Variants in HELB observed in about 807,000 individuals in gnomAD.
HELB encodes the protein DNA 5'-3' helicase B.
Under a neutral mutation model 101.7 loss-of-function variants are expected in HELB, and 96 were observed. That is an observed-to-expected ratio of 0.94 (90% CI 0.80 to 1.12). HELB has a LOEUF of 1.12. Among genes scored for constraint, HELB ranks in the 50% most tolerant of loss-of-function variants. The pLI is 0.00. For missense variants in HELB, 1,210 were observed against 1,291.9 expected (o/e 0.94, Z 0.97); for synonymous variants, 437 against 459.7 (o/e 0.95, Z 0.63).
At chr12:66,342,674 G>A (rs1429557219), downstream of HELB, 1 of 150,822 alleles carries the variant, frequency 6.6e-6, no homozygotes, top group East Asian at 2.0e-4. Flanking sequence ...ACTGTGCCCA[G>A]CCCGATTCAT....
At chr12:66,324,366 A>C in intron 10 of HELB, 155 bp downstream of exon 10, 1 of 619,880 alleles carries the variant, frequency 1.6e-6, no homozygotes, top group Non-Finnish European at 2.8e-6. Context: ...TTTATGAAGG[A>C]TATGGGTAGT....
At chr12:66,327,512 AG>A (rs1339809242) in intron 11 of HELB, among the ~76,000 whole-genome samples, 3 of 152,194 alleles carry the variant, frequency 2.0e-5, no homozygotes, top group Non-Finnish European at 4.4e-5. Flanking sequence ...GAACGAATGA[AG>A]AGTAAAGGTG....
rs199708480 is a variant in HELB, at chr12:66,310,619, T to C, written c.1680+11T>C. The C allele has an allele frequency of 7.1e-4, 1,135 of 1,597,916 alleles. 11 individuals carry two copies. In the South Asian group the frequency reaches 0.012, roughly 16 times the overall value. ...TACACACTGTGTCAGGTAAAACCTT[T>C]GACATTTCATCTGTAGATAAAACAT... On this transcript the variant is annotated intron_variant, in intron 4 of 12. Transcript: ENST00000247815.
chr12:66,302,537 T>G lies in HELB; in HGVS notation c.-67T>G. 3 of 1,468,682 alleles carry G rather than the reference T, an allele frequency of 2.0e-6. No homozygotes were observed. The highest frequency in any genetic ancestry group is 2.8e-6 in the Non-Finnish European group (3 of 1,062,216). The allele number at this position is 1,468,682 out of a possible 1,614,324, so 91.0% of individuals were successfully genotyped here. On this transcript the variant is annotated 5_prime_UTR_variant, in exon 1 of 13. The change creates a new upstream start codon in the 5' untranslated region. Transcript: ENST00000247815. ...ATGGCCTTACAGTCGTAGAACTGAT[T>G]GGCTGATCATGACCATGCAGTTAGC...
intron 4 of HELB, 80 bp from the exon 5 acceptor site, chr12:66,313,906 G>T: frequency 4.0e-5 from 49 of 1,234,456 alleles, no homozygotes; most frequent in Middle Eastern, 4.9e-4. Flanking sequence ...TACGAGTTTT[G>T]CCCCAAAATA....
At chr12:66,340,783 G>A (rs2053912722), downstream of HELB, 2 of 153,262 alleles carry the variant, frequency 1.3e-5, no homozygotes, top group South Asian at 2.0e-4. Context: ...GATGTAGGCT[G>A]GGAGCCTAGG....
intron 3 of HELB, among the ~76,000 whole-genome samples, chr12:66,307,384 C>T (rs900173965): frequency 6.6e-6 from 1 of 151,858 alleles, no homozygotes; most frequent in Non-Finnish European, 1.5e-5. Flanking sequence ...TTTAAAAAAA[C>T]CCTGTAAAAT....
chr12:66,324,218 GA>G lies in HELB; in HGVS notation c.2526+11del, dbSNP rs147392904. 0.031 allele frequency: 47,669 copies of G among 1,536,892 alleles called. 2,997 individuals are homozygous for G. Among genetic ancestry groups the G allele is most frequent in the African/African-American group, 0.24 (17,429 of 73,042 alleles). Reference sequence around the variant, plus strand: ...GATATTTTTCATAACAAATGTAAGTGAAAACAGAAGATAATATCTTTTAACT... The same window carrying G: ...GATATTTTTCATAACAAATGTAAGTGAAACAGAAGATAATATCTTTTAACT... On this transcript the variant is annotated splice_region_variant and intron_variant, in intron 10 of 12. Transcript: ENST00000247815.
At chr12:66,337,347 C>T (rs1001392951) in intron 12 of HELB, among the ~76,000 whole-genome samples, 1 of 152,142 alleles carries the variant, frequency 6.6e-6, no homozygotes, top group African/African-American at 2.4e-5. Flanking sequence ...TTAAACTTGT[C>T]ATCTCTTACA....
rs1301916946 is a variant in HELB at position 66,310,055 on chromosome 12, G to A, written c.1127G>A (p.Trp376Ter). Residue 376 changes from tryptophan (W) to a stop codon, truncating the protein, a stop_gained, in exon 4 of 13, where the codon TGG becomes TAG. Transcript: ENST00000247815. LOFTEE classifies it high-confidence loss of function. ...SICDLMKKPPWHLCVDVEKVL... is the reference protein window; with the variant it reads ...SICDLMKKPP ...TGTGACCTGATGAAGAAACCTCCTT[G>A]GCATTTATGTGTCGATGTCGAAAAG... The A allele has an allele frequency of 5.0e-6, 8 of 1,614,148 alleles. No individual in the cohort carries two copies. The highest frequency in any genetic ancestry group is 6.8e-6 in the Non-Finnish European group (8 of 1,180,026).
At chr12:66,302,873 C>T in intron 1 of HELB, 83 bp downstream of exon 1, 12 of 1,208,290 alleles carry the variant, frequency 9.9e-6, no homozygotes, top group Non-Finnish European at 1.4e-5. Flanking sequence ...GAGCAAGGCA[C>T]CCAGTCGTGC....
At chr12:66,307,160 G>A (rs1313701567) in intron 3 of HELB, among the ~76,000 whole-genome samples, 1 of 152,152 alleles carries the variant, frequency 6.6e-6, no homozygotes. Context: ...GAGAAACTCT[G>A]AGAAAATTCT....
rs370398244 is a variant in HELB, at chr12:66,338,038, A to G, written c.3200A>G (p.Asn1067Ser). The change falls in exon 13 of 13, where the codon AAT becomes AGT. Residue 1067 changes from asparagine to serine, a missense_variant. Around this residue, in one of 2 missense-constraint regions of HELB, gnomAD observed 740 missense variants for 728.8 expected, o/e 1.02. Transcript: ENST00000247815. ...CCACAAGTGTCTTCCAGACTTCAGA[A>G]TTTGAGACTGAATAATTTAATTCCC... ...ESPQVSSRLQ[N>S]LRLNNLIPRQ... 29 of 1,605,360 alleles carry G rather than the reference A, an allele frequency of 1.8e-5. No individual in the cohort carries two copies. In the African/African-American group the frequency reaches 3.9e-4, roughly 21 times the overall value.
In HELB at chr12:66,310,012, GC is replaced by G; in HGVS notation, c.1086del (p.Ile363SerfsTer8). ...FPYDLYHAER[A>X]IAFSICDLMK... is the part of the protein sequence containing the mutation. The stretch of plus-strand genomic sequence containing the variant: ...TTATGACCTTTACCATGCTGAAAGA[GC>G]CATCGCCTTTTCAATTTGTGACCTG... On this transcript the variant is annotated frameshift_variant, in exon 4 of 13. Coordinates refer to ENST00000247815, the MANE Select transcript of HELB (RefSeq NM_001370285.1). LOFTEE classifies it high-confidence loss of function. 6.2e-7 allele frequency: 1 copy of G among 1,614,174 alleles called. No homozygotes were observed. The highest frequency in any genetic ancestry group is 1.1e-5 in the South Asian group (1 of 91,082).
At position 66,315,346 on chromosome 12, in the gene HELB, A is replaced by G; in HGVS notation, c.1963A>G (p.Arg655Gly). ...TGCTATTGAGCTAAAGACAAACCAT[A>G]GAGCAGAATCTCAGCTCATTGTGGA... Reference protein sequence around the residue: ...NCAIELKTNHRAESQLIVDNA... With the variant: ...NCAIELKTNHGAESQLIVDNA... Residue 655 changes from arginine to glycine, a missense_variant, in exon 6 of 13, where the codon AGA becomes GGA. Arg to Gly is a moderately radical substitution (Grantham distance 125, BLOSUM62 -2). Transcript: ENST00000247815. 1 of 1,606,450 alleles carries G rather than the reference A, an allele frequency of 6.2e-7. No individual in the cohort carries two copies. The highest frequency in any genetic ancestry group is 8.5e-7 in the Non-Finnish European group (1 of 1,176,678).
chr12:66,318,704 C>T lies in HELB; in HGVS notation c.2067C>T (p.Pro689=), dbSNP rs542300265. Residue 689 remains proline (P), a synonymous_variant, in exon 7 of 13, where the codon CCC becomes CCT. Transcript: ENST00000247815. ...ELNISDNPTL[P]ISIQDKTFIF... ...ATATCTCTGATAATCCAACATTACC[C>T]ATCTCAATTCAAGATAAGACATTTA... is the stretch of plus-strand genomic sequence containing the variant. 1.9e-6 allele frequency: 3 copies of T among 1,609,880 alleles called. No individual in the cohort carries two copies. Among genetic ancestry groups the T allele is most frequent in the Non-Finnish European group, 2.5e-6 (3 of 1,178,712 alleles).
chr12:66,316,935 C>T (rs2053613144), intron 6 of HELB, among the ~76,000 whole-genome samples: 1 of 149,536 alleles, frequency 6.7e-6, no homozygotes, highest in Non-Finnish European at 1.5e-5. Flanking sequence ...AGGAGAATGG[C>T]ATGAACCTGG....
intron 6 of HELB, among the ~76,000 whole-genome samples, chr12:66,317,112 G>A (rs888081031): frequency 6.6e-6 from 1 of 151,614 alleles, no homozygotes; most frequent in African/African-American, 2.4e-5. Flanking sequence ...CAGGAGAATC[G>A]CTTGAACCCT....
At chr12:66,336,016 A>C (rs1441476857) in intron 12 of HELB, among the ~76,000 whole-genome samples, 1 of 152,198 alleles carries the variant, frequency 6.6e-6, no homozygotes, top group Non-Finnish European at 1.5e-5. Flanking sequence ...CTTCTTGAGG[A>C]CAGTGTATCA....
Sources: gnomAD v4.1 joint callset for allele counts (sites outside exome capture counted in the v4.1 genomes callset) on GRCh38, gnomAD v4.1.1 for gene constraint, gnomAD v4.1.1 regional missense constraint, MANE v1.5 for transcripts, NCBI Gene and HGNC (gene_info 2026-07-23, HGNC 2026-07-21) for gene names.